Variants in TMTC1 observed in about 807,000 individuals in gnomAD.
TMTC1 encodes the protein transmembrane O-mannosyltransferase targeting cadherins 1, also known as protein O-mannosyl-transferase TMTC1.
TMTC1 carries 73 observed loss-of-function variants against 104.8 expected under a neutral mutation model. That is an observed-to-expected ratio of 0.70 (90% CI 0.58 to 0.85). The LOEUF is 0.85. Ranked by LOEUF, TMTC1 falls within the 40% of genes least tolerant of loss-of-function variation. TMTC1 has a pLI of 0.00. For missense variants in TMTC1, 1,035 were observed against 1,096.1 expected, an observed-to-expected ratio of 0.94 and a Z score of 0.79; for synonymous variants, 434 against 428.7, an observed-to-expected ratio of 1.01 and a Z score of -0.15.
chr12:29,517,463 T>C lies in TMTC1; in HGVS notation c.2133A>G (p.Ala711=). The stretch of plus-strand genomic sequence containing the variant: ...GGAGCTCCCTCTGAGAAGGCTGAAG[T>C]GCTGCAGCTTCCTGGTAAATCTGCA... ...EALQIYQEAA[A]LQPSQRELRL... The change falls in exon 14 of 18, where the codon GCA becomes GCG. Residue 711 remains alanine, a synonymous_variant. Coordinates refer to ENST00000539277, the MANE Select transcript of TMTC1 (RefSeq NM_001193451.2). 1 of 1,614,164 alleles carries C rather than the reference T, an allele frequency of 6.2e-7. No homozygotes were observed. The highest frequency in any genetic ancestry group is 8.5e-7 in the Non-Finnish European group (1 of 1,180,032).
intron 5 of TMTC1, among the ~76,000 whole-genome samples, chr12:29,724,388 T>G (rs1401878117): frequency 6.6e-6 from 1 of 152,114 alleles, no homozygotes; most frequent in Non-Finnish European, 1.5e-5. Context: ...ACCTGAAAAA[T>G]GTCATTTGTA....
intron 5 of TMTC1, among the ~76,000 whole-genome samples, chr12:29,651,355 A>C (rs1233325273): frequency 6.6e-6 from 1 of 152,166 alleles, no homozygotes; most frequent in Non-Finnish European, 1.5e-5. Flanking sequence ...AACAAGAGGG[A>C]CTATTAGTGG....
chr12:29,704,900 A>G (rs1478251209), intron 5 of TMTC1, among the ~76,000 whole-genome samples: 1 of 152,232 alleles, frequency 6.6e-6, no homozygotes, highest in Non-Finnish European at 1.5e-5. Context: ...TGATTGCAGC[A>G]TATCTAACGA....
intron 10 of TMTC1, among the ~76,000 whole-genome samples, chr12:29,542,108 TTC>T (rs1307910107): frequency 6.6e-6 from 1 of 152,182 alleles, no homozygotes; most frequent in East Asian, 1.9e-4. Context: ...CATGGGTCAT[TTC>T]TCTGAGTTAT....
Position 29,663,565 on chromosome 12 carries a change from A to G in TMTC1, c.939-30229T>C, listed in dbSNP as rs141756439. On this transcript the variant is annotated intron_variant, in intron 5 of 17. Coordinates refer to ENST00000539277, the MANE Select transcript of TMTC1 (RefSeq NM_001193451.2). ...GAGTCTTACTCTTGTCGCCCAGGCTAGAGTGTAGTGGCGTGATCTCAGCTC... is the reference window on the plus strand; with the variant it reads ...GAGTCTTACTCTTGTCGCCCAGGCTGGAGTGTAGTGGCGTGATCTCAGCTC... Among the ~76,000 whole-genome samples, 133 of 151,924 alleles carry G rather than the reference A, an allele frequency of 8.8e-4. 1 individual carries two copies. The highest frequency in any genetic ancestry group is 2.9e-3 in the African/African-American group (120 of 41,436).
intron 10 of TMTC1, among the ~76,000 whole-genome samples, chr12:29,541,066 C>G (rs1444573003): frequency 6.6e-6 from 1 of 152,106 alleles, no homozygotes; most frequent in African/African-American, 2.4e-5. Flanking sequence ...CTTTGTAAAT[C>G]TCCTTAAATG....
At chr12:29,749,858 G>T (rs1412348970) in intron 5 of TMTC1, among the ~76,000 whole-genome samples, 3 of 151,720 alleles carry the variant, frequency 2.0e-5, no homozygotes, top group Non-Finnish European at 4.4e-5. Flanking sequence ...GAGTCCTATT[G>T]GGTCTGTATC....
chr12:29,766,596 G>A (rs1224090951), intron 2 of TMTC1, among the ~76,000 whole-genome samples: 1 of 152,058 alleles, frequency 6.6e-6, no homozygotes, highest in Non-Finnish European at 1.5e-5. Context: ...GTACACCTGG[G>A]GCATAGTAAG....
At chr12:29,668,649 C>A (rs1940385628) in intron 5 of TMTC1, among the ~76,000 whole-genome samples, 1 of 151,876 alleles carries the variant, frequency 6.6e-6, no homozygotes, top group Non-Finnish European at 1.5e-5. Flanking sequence ...TTAGTAGAGA[C>A]AGGGTTTTGC....
At chr12:29,543,580 G>T (rs57816450) in intron 10 of TMTC1, among the ~76,000 whole-genome samples, 18,477 of 152,090 alleles carry the variant, frequency 0.12, 1,422 homozygotes, top group African/African-American at 0.22. Flanking sequence ...GTTGTTGTTG[G>T]ATTCAAAATT....
intron 7 of TMTC1, among the ~76,000 whole-genome samples, chr12:29,600,829 C>T (rs892704696): frequency 3.3e-5 from 5 of 152,130 alleles, no homozygotes; most frequent in Middle Eastern, 3.4e-3. Flanking sequence ...GGTGATGGTA[C>T]GTGTTAGTCC....
At chr12:29,568,078 A>G (rs1945567554) in intron 9 of TMTC1, among the ~76,000 whole-genome samples, 1 of 152,214 alleles carries the variant, frequency 6.6e-6, no homozygotes, top group Non-Finnish European at 1.5e-5. Context: ...GGGAATACAA[A>G]GAATTATATC....
At chr12:29,648,397 A>ATTTTC (rs112571814) in intron 5 of TMTC1, among the ~76,000 whole-genome samples, 2,312 of 152,190 alleles carry the variant, frequency 0.015, 55 homozygotes, top group African/African-American at 0.052. Flanking sequence ...CTTGAAGAAT[A>ATTTTC]TTTTCTTTTC....
chr12:29,606,980 C>G (rs554055384), intron 6 of TMTC1, among the ~76,000 whole-genome samples: 12 of 152,022 alleles, frequency 7.9e-5, no homozygotes, highest in Non-Finnish European at 1.5e-4. Flanking sequence ...CCTGCCCCCC[C>G]CCCTCACTCA....
At chr12:29,630,054 T>C (rs959405782) in intron 6 of TMTC1, among the ~76,000 whole-genome samples, 4 of 152,202 alleles carry the variant, frequency 2.6e-5, no homozygotes, top group African/African-American at 9.6e-5. Flanking sequence ...ACCACAATCA[T>C]ATTTTAAAAA....
intron 7 of TMTC1, among the ~76,000 whole-genome samples, chr12:29,584,807 T>A (rs1946084185): frequency 6.6e-6 from 1 of 151,252 alleles, no homozygotes; most frequent in African/African-American, 2.4e-5. Context: ...CCATGGTGTA[T>A]ATGTGCCACA....
chr12:29,519,929 A>G (rs1449625852), intron 12 of TMTC1: 1 of 152,250 alleles, frequency 6.6e-6, no homozygotes, highest in African/African-American at 2.4e-5. Context: ...TTGAAAAACT[A>G]ATTAAACTAA....
chr12:29,546,892 C>G (rs1176949963), intron 10 of TMTC1, among the ~76,000 whole-genome samples: 1 of 111,904 alleles, frequency 8.9e-6, no homozygotes, highest in African/African-American at 2.6e-5. Context: ...CATAGTGAGT[C>G]CTTTTCTCTT....
chr12:29,768,058 G>A lies in TMTC1; in HGVS notation c.320C>T (p.Thr107Ile), dbSNP rs761488135. Residue 107 changes from threonine (T) to isoleucine (I), a missense_variant, in exon 2 of 18, where the codon ACT becomes ATT. By Grantham distance (89) the Thr-to-Ile change is moderately conservative. Transcript: ENST00000539277. ...VLTFKLNIFL[T>I]GMNPFYFHAV... ...ATGAAAGTAGAATGGGTTCATACCA[G>A]TCAAAAATATGTTTAGCCTGTAAAA... 1.6e-5 allele frequency: 26 copies of A among 1,598,086 alleles called. No homozygotes were observed. The Admixed American group carries it at 4.3e-4, about 27-fold the overall frequency.
Sources: allele counts gnomAD v4.1 joint callset (sites outside exome capture counted in the v4.1 genomes callset), GRCh38; gene constraint gnomAD v4.1.1; transcripts MANE v1.5; gene names NCBI Gene and HGNC (gene_info 2026-07-23, HGNC 2026-07-21).